Variants in CHD7 observed in about 807,000 individuals in gnomAD.
CHD7 encodes ATP-dependent chromatin remodeler CHD7.
In CHD7, 24 loss-of-function variants were observed where a neutral mutation model predicts 307.3. The observed-to-expected ratio is 0.08, with a 90% CI of 0.06 to 0.11. CHD7 has a LOEUF of 0.11. Ranked by LOEUF, CHD7 falls within the 10% of genes least tolerant of loss-of-function variation. The pLI is 1.00. For synonymous variants in CHD7, 1,363 were observed against 1,349.9 expected, an observed-to-expected ratio of 1.01 and a Z score of -0.21; for missense variants, 3,106 against 3,727.1, an observed-to-expected ratio of 0.83 and a Z score of 4.34.
At chr8:60,751,511 A>G (rs1432173545) in intron 2 of CHD7, among the ~76,000 whole-genome samples, 3 of 152,186 alleles carry the variant, frequency 2.0e-5, no homozygotes, top group Non-Finnish European at 4.4e-5. Context: ...GTTATTTTCT[A>G]TTCTCTGTAG....
chr8:60,795,108 A>C lies in CHD7; in HGVS notation c.2219A>C (p.Asp740Ala). The C allele has an allele frequency of 6.2e-7, 1 of 1,613,600 alleles. No homozygotes were observed. The highest frequency in any genetic ancestry group is 2.2e-5 in the East Asian group (1 of 44,874). Reference sequence around the variant, plus strand: ...CCACCATCTCCTCCTCCTGAAGAAGATGAGGACCCAGGTGTTCAGGTAATA... The same window carrying C: ...CCACCATCTCCTCCTCCTGAAGAAGCTGAGGACCCAGGTGTTCAGGTAATA... ...TPPPSPPPEE[D>A]EDPGVQKRRS... Residue 740 changes from aspartate (D) to alanine (A), a missense_variant, in exon 4 of 38, where the codon GAT becomes GCT. Around this residue, in one of 10 missense-constraint regions of CHD7, gnomAD observed 998 missense variants for 1,004.5 expected, o/e 0.99. Transcript: ENST00000423902.
At chr8:60,775,179 G>C (rs1007351766) in intron 2 of CHD7, among the ~76,000 whole-genome samples, 1 of 151,998 alleles carries the variant, frequency 6.6e-6, no homozygotes, top group African/African-American at 2.4e-5. Context: ...TTTTCAGCTA[G>C]ATGTTTCAAC....
intron 2 of CHD7, among the ~76,000 whole-genome samples, chr8:60,753,008 T>G (rs930491638): frequency 2.0e-5 from 3 of 152,252 alleles, no homozygotes; most frequent in African/African-American, 7.2e-5. Flanking sequence ...ATGCTGACTT[T>G]GCTTTAAATT....
At chr8:60,782,645 T>C (rs952408168) in intron 3 of CHD7, among the ~76,000 whole-genome samples, 3 of 152,248 alleles carry the variant, frequency 2.0e-5, no homozygotes, top group Non-Finnish European at 2.9e-5. Context: ...GAATTTTCTT[T>C]GATGCCTCAG....
At chr8:60,773,781 A>G (rs1431037408) in intron 2 of CHD7, among the ~76,000 whole-genome samples, 1 of 152,134 alleles carries the variant, frequency 6.6e-6, no homozygotes, top group Non-Finnish European at 1.5e-5. Context: ...GAATTATGCT[A>G]GTGGAGTGAT....
At chr8:60,734,699 TG>T in intron 1 of CHD7, among the ~76,000 whole-genome samples, 1 of 152,226 alleles carries the variant, frequency 6.6e-6, no homozygotes, top group East Asian at 1.9e-4. Context: ...ATATACCTAA[TG>T]GGGGTGTTTG....
chr8:60,756,322 T>A (rs1188627766), intron 2 of CHD7, among the ~76,000 whole-genome samples: 1 of 152,194 alleles, frequency 6.6e-6, no homozygotes, highest in East Asian at 1.9e-4. Context: ...AGTGATAGGA[T>A]ATAGTCATCT....
At chr8:60,709,000 G>A (rs955461342) in intron 1 of CHD7, among the ~76,000 whole-genome samples, 11 of 151,796 alleles carry the variant, frequency 7.2e-5, no homozygotes, top group Non-Finnish European at 1.6e-4. Context: ...CCTTTCCTGG[G>A]GTGACTCATT....
At chr8:60,764,081 G>A (rs1046635437) in intron 2 of CHD7, among the ~76,000 whole-genome samples, 3 of 152,020 alleles carry the variant, frequency 2.0e-5, no homozygotes, top group South Asian at 2.1e-4. Context: ...TCCGCCTCCC[G>A]GGTTCAAGCC....
chr8:60,730,463 A>T (rs1359596846), intron 1 of CHD7, among the ~76,000 whole-genome samples: 1 of 152,222 alleles, frequency 6.6e-6, no homozygotes, highest in Non-Finnish European at 1.5e-5. Context: ...TTAATGATAA[A>T]TGTAGGTACA....
intron 1 of CHD7, among the ~76,000 whole-genome samples, chr8:60,716,110 G>A (rs1207182558): frequency 2.0e-5 from 3 of 152,184 alleles, no homozygotes; most frequent in Non-Finnish European, 2.9e-5. Flanking sequence ...CTCTGGCTCT[G>A]CCTTTAAAGT....
At chr8:60,850,693 T>TA (rs1805413879) in intron 26 of CHD7, 71 bp downstream of exon 26, 1 of 1,417,324 alleles carries the variant, frequency 7.1e-7, no homozygotes, top group South Asian at 1.2e-5. Context: ...GTTCAGTTCT[T>TA]ACCCTGCAGT....
intron 19 of CHD7, 35 bp from the exon 20 acceptor site, chr8:60,841,609 C>T (rs201831085): frequency 3.2e-5 from 48 of 1,494,782 alleles, no homozygotes; most frequent in Non-Finnish European, 4.7e-6. Flanking sequence ...CTGAGAAAGG[C>T]CTCTCAAAGT....
chr8:60,844,068 C>T (rs890250444), intron 21 of CHD7, among the ~76,000 whole-genome samples: 1 of 152,242 alleles, frequency 6.6e-6, no homozygotes, highest in African/African-American at 2.4e-5. Context: ...TCTGCTGTCG[C>T]CTGGGAGAAG....
chr8:60,819,357 G>T (rs1934569427), intron 8 of CHD7, among the ~76,000 whole-genome samples: 1 of 152,162 alleles, frequency 6.6e-6, no homozygotes, highest in Non-Finnish European at 1.5e-5. Flanking sequence ...TTGGTTAAAT[G>T]AGCCAATTAT....
intron 3 of CHD7, among the ~76,000 whole-genome samples, chr8:60,790,301 G>T (rs1197494267): frequency 1.3e-5 from 2 of 152,130 alleles, no homozygotes; most frequent in Non-Finnish European, 2.9e-5. Flanking sequence ...CTCGTGAGTG[G>T]ATGGCTCTGT....
chr8:60,863,093 A>C (rs938548959), intron 37 of CHD7: 1 of 156,682 alleles, frequency 6.4e-6, no homozygotes, highest in African/African-American at 2.4e-5. Context: ...CGTTCATGAC[A>C]TGCTGGTTCT....
At chr8:60,830,633 C>T in intron 15 of CHD7, 56 bp downstream of exon 15, 2 of 1,580,842 alleles carry the variant, frequency 1.3e-6, no homozygotes, top group African/African-American at 1.3e-5. Context: ...ACCAGAAATC[C>T]CTTTCTGCCC....
In CHD7 at chr8:60,823,936, C is replaced by T. The variant is rs753233210; in HGVS notation, c.3298C>T (p.Arg1100Cys). 20 of 1,613,664 alleles carry T rather than the reference C, an allele frequency of 1.2e-5. No individual in the cohort carries two copies. The highest frequency in any genetic ancestry group is 7.7e-5 in the South Asian group (7 of 91,080). ...DCPELRNIPW[R>C]CVVIDEAHRL... ...TCCTGAGCTGCGGAATATTCCATGG[C>T]GCTGTGTAGTCATTGATGAAGCCCA... The change falls in exon 13 of 38, where the codon CGC becomes TGC. Residue 1100 changes from arginine (R) to cysteine (C), a missense_variant. Arg to Cys is a radical substitution (Grantham distance 180). Around this residue, in one of 10 missense-constraint regions of CHD7, gnomAD observed 232 missense variants for 422.5 expected, o/e 0.55. Coordinates refer to ENST00000423902, the MANE Select transcript of CHD7 (RefSeq NM_017780.4).
Sources: allele counts gnomAD v4.1 joint callset (sites outside exome capture counted in the v4.1 genomes callset), GRCh38; gene constraint gnomAD v4.1.1; regional missense constraint gnomAD v4.1.1; transcripts MANE v1.5; gene names NCBI Gene and HGNC (gene_info 2026-07-23, HGNC 2026-07-21).